Variants in DENND4A observed in about 807,000 individuals in gnomAD.
DENND4A encodes the protein DENN domain containing 4A, also known as C-myc promoter-binding protein.
DENND4A carries 70 observed loss-of-function variants against 199.3 expected under a neutral mutation model. The observed-to-expected ratio is 0.35, with a 90% confidence interval of 0.29 to 0.43. The LOEUF (loss-of-function observed/expected upper bound fraction) is 0.43, where lower values mean the gene tolerates loss of function less well. Ranked by LOEUF, DENND4A falls within the 20% of genes least tolerant of loss-of-function variation. The pLI is 1.00. For missense variants in DENND4A, 1,723 were observed against 2,255.8 expected, an observed-to-expected ratio of 0.76 and a Z score of 4.78; for synonymous variants, 686 against 766.9, an observed-to-expected ratio of 0.89 and a Z score of 1.74.
At chr15:65,701,226 A>G in intron 18 of DENND4A, 34 bp from the exon 19 acceptor site, 1 of 1,454,274 alleles carries the variant, frequency 6.9e-7, no homozygotes, top group Admixed American at 2.7e-5. Flanking sequence ...AATTAGTAAA[A>G]TAATTTTTAT....
intron 14 of DENND4A, among the ~76,000 whole-genome samples, chr15:65,706,699 T>C (rs2075071941): frequency 6.6e-6 from 1 of 152,148 alleles, no homozygotes; most frequent in South Asian, 2.1e-4. Context: ...TTTCACCATG[T>C]TGGCCAGGAC....
intron 23 of DENND4A, chr15:65,680,534 C>T (rs1309488060): frequency 6.6e-6 from 1 of 152,026 alleles, no homozygotes; most frequent in Admixed American, 6.5e-5. Context: ...AATTAAAATA[C>T]AGATTATGCA....
At chr15:65,696,336 C>T in intron 22 of DENND4A, 30 bp downstream of exon 22, 4 of 1,600,130 alleles carry the variant, frequency 2.5e-6, no homozygotes, top group Non-Finnish European at 3.4e-6. Flanking sequence ...ATTTATTCCG[C>T]ACATAACACA....
chr15:65,681,471 A>G (rs2076571264), intron 23 of DENND4A, among the ~76,000 whole-genome samples: 1 of 151,972 alleles, frequency 6.6e-6, no homozygotes, highest in African/African-American at 2.4e-5. Flanking sequence ...AGTAAAAGCG[A>G]CTCCTTGATC....
At chr15:65,723,356 T>A (rs912542322) in intron 11 of DENND4A, among the ~76,000 whole-genome samples, 3 of 152,092 alleles carry the variant, frequency 2.0e-5, no homozygotes, top group Non-Finnish European at 4.4e-5. Context: ...CTACAAAAAC[T>A]TTCAGTAAAT....
Position 65,676,451 on chromosome 15 carries a change from A to G in DENND4A, c.4363T>C (p.Leu1455=), listed in dbSNP as rs779101440. The G allele has an allele frequency of 1.9e-6, 3 of 1,601,698 alleles. No individual in the cohort carries two copies. Among genetic ancestry groups the G allele is most frequent in the Non-Finnish European group, 2.6e-6 (3 of 1,173,428 alleles). Residue 1455 remains leucine (L), a synonymous_variant, in exon 24 of 33, where the codon TTG becomes CTG. Coordinates refer to ENST00000443035, the MANE Select transcript of DENND4A (RefSeq NM_001320835.1). ...SRISLESSAS[L]EGSLSKFALP... Reference sequence around the variant, plus strand: ...CAGAACTGTTTGGACAAACCTTCCAAGGATGCAGAACTTTCCAGGCTTATT... The same window carrying G: ...CAGAACTGTTTGGACAAACCTTCCAGGGATGCAGAACTTTCCAGGCTTATT...
intron 31 of DENND4A, 53 bp from the exon 32 acceptor site, chr15:65,664,447 TC>T: frequency 4.0e-6 from 6 of 1,513,040 alleles, no homozygotes; most frequent in Non-Finnish European, 5.4e-6. Context: ...GTCCATATGT[TC>T]CCTATAAAAA....
intron 25 of DENND4A, 65 bp downstream of exon 25, chr15:65,671,727 A>G (rs941085094): frequency 8.9e-6 from 10 of 1,126,578 alleles, no homozygotes; most frequent in Middle Eastern, 1.9e-4. Flanking sequence ...TGGGACCACT[A>G]ATACTTAAGA....
At chr15:65,734,771 T>G (rs2140421801) in intron 7 of DENND4A, among the ~76,000 whole-genome samples, 1 of 152,284 alleles carries the variant, frequency 6.6e-6, no homozygotes, top group East Asian at 1.9e-4. Flanking sequence ...TCAGGGAAGA[T>G]CTGCAAGGTC....
chr15:65,725,630 T>A (rs1251254042), intron 11 of DENND4A, among the ~76,000 whole-genome samples: 1 of 149,978 alleles, frequency 6.7e-6, no homozygotes, highest in Non-Finnish European at 1.5e-5. Context: ...TGAGCTGAGA[T>A]CACGCCACCA....
chr15:65,763,876 T>C (rs2076917526), intron 1 of DENND4A, among the ~76,000 whole-genome samples: 1 of 152,096 alleles, frequency 6.6e-6, no homozygotes, highest in Non-Finnish European at 1.5e-5. Context: ...CAGTGGTAAA[T>C]GTACTTTTCA....
intron 15 of DENND4A, 140 bp downstream of exon 15, chr15:65,705,951 G>T: frequency 1.6e-6 from 2 of 1,284,744 alleles, no homozygotes; most frequent in Non-Finnish European, 2.0e-6. Context: ...TAATGGATGT[G>T]GGATAAGCTT....
At chr15:65,736,035 C>T (rs541875284) in intron 7 of DENND4A, among the ~76,000 whole-genome samples, 2 of 152,260 alleles carry the variant, frequency 1.3e-5, no homozygotes, top group South Asian at 2.1e-4. Flanking sequence ...ATTACAATTT[C>T]GCCACCATGA....
At chr15:65,709,719 A>AAAT (rs1218030026) in intron 14 of DENND4A, among the ~76,000 whole-genome samples, 33 of 51,464 alleles carry the variant, frequency 6.4e-4, no homozygotes, top group African/African-American at 2.4e-3. Flanking sequence ...AAAAAAAAAA[A>AAAT]ATATATATAT....
chr15:65,684,773 C>T (rs1213823789), intron 23 of DENND4A, among the ~76,000 whole-genome samples: 2 of 149,288 alleles, frequency 1.3e-5, no homozygotes, highest in Admixed American at 6.7e-5. Flanking sequence ...GAATTCTTGG[C>T]TTAATTCAAG....
rs191460676 is a variant in DENND4A at position 65,787,733 on chromosome 15, G to T, written c.-102+4277C>A. 9.7e-4 allele frequency among the ~76,000 whole-genome samples: 148 copies of T among 152,314 alleles called. 2 individuals are homozygous for T. Among genetic ancestry groups the T allele is most frequent in the Admixed American group, 9.5e-3 (145 of 15,296 alleles). ...TACTGCCTAAGGTGCCAGGCTACTG[G>T]CAGAGAAACAGGAAAAGCAGAGTAC... On this transcript the variant is annotated intron_variant, in intron 1 of 32. Coordinates refer to ENST00000443035, the MANE Select transcript of DENND4A (RefSeq NM_001320835.1).
intron 1 of DENND4A, among the ~76,000 whole-genome samples, chr15:65,764,972 C>CAAAA (rs35902836): frequency 0.059 from 5,598 of 95,504 alleles, 113 homozygotes; most frequent in Middle Eastern, 0.1. Flanking sequence ...ACCCTGTCTC[C>CAAAA]AAAAAAAAAA....
At position 65,741,726 on chromosome 15, in the gene DENND4A, G is replaced by A. The variant is rs372960494; in HGVS notation, c.620C>T (p.Ser207Phe). 1 of 1,612,412 alleles carries A rather than the reference G, an allele frequency of 6.2e-7. No individual in the cohort carries two copies. The highest frequency in any genetic ancestry group is 1.3e-5 in the African/African-American group (1 of 74,850). ...AAAATTACACTTACCAGCTTTGTAA[G>A]ATACAGTGTTCGTCTTTGCCACCGA... ...KKSVAKTNTV[S>F]YKAGLICRYP... The change falls in exon 5 of 33, where the codon TCT becomes TTT. Residue 207 changes from serine (S) to phenylalanine (F), a missense_variant. Physicochemically the swap from Ser to Phe is radical, Grantham distance 155. Around this residue, in one of 6 missense-constraint regions of DENND4A, gnomAD observed 725 missense variants for 952.9 expected, o/e 0.76. Transcript: ENST00000443035.
chr15:65,677,297 C>A (rs1425606637), intron 23 of DENND4A, among the ~76,000 whole-genome samples: 1 of 152,180 alleles, frequency 6.6e-6, no homozygotes, highest in African/African-American at 2.4e-5. Flanking sequence ...GCAGCCTCTG[C>A]CTCCCAGGCT....
Sources: gnomAD v4.1 joint callset for allele counts (sites outside exome capture counted in the v4.1 genomes callset) on GRCh38, gnomAD v4.1.1 for gene constraint, gnomAD v4.1.1 regional missense constraint, MANE v1.5 for transcripts, NCBI Gene and HGNC (gene_info 2026-07-23, HGNC 2026-07-21) for gene names.